CORO2A: variants seen among roughly 807,000 people sequenced by gnomAD.
CORO2A encodes coronin 2A, also known as coronin-2A.
Under a neutral mutation model 62.4 loss-of-function variants are expected in CORO2A, and 47 were observed. That is an observed-to-expected ratio of 0.75 (90% CI 0.60 to 0.96). The LOEUF is 0.96. Ranked by LOEUF, CORO2A falls within the 40% of genes least tolerant of loss-of-function variation. The pLI, the probability that CORO2A is intolerant of heterozygous loss-of-function variation, is 0.00. For missense variants in CORO2A, 610 were observed against 684.1 expected (o/e 0.89, Z 1.21); for synonymous variants, 273 against 268.9 (o/e 1.02, Z -0.15).
At chr9:98,170,295 G>C (rs1204939525) in intron 1 of CORO2A, among the ~76,000 whole-genome samples, 4 of 152,106 alleles carry the variant, frequency 2.6e-5, no homozygotes, top group African/African-American at 4.8e-5. Context: ...GGGTACCCAG[G>C]GGGAGGCCAA....
intron 1 of CORO2A, among the ~76,000 whole-genome samples, chr9:98,159,811 C>A (rs537279911): frequency 6.9e-4 from 105 of 152,174 alleles, no homozygotes; most frequent in African/African-American, 2.5e-3. Flanking sequence ...TCAGAGAAGG[C>A]TCTGCTCCAG....
intron 2 of CORO2A, among the ~76,000 whole-genome samples, chr9:98,140,557 C>G (rs1256372527): frequency 6.6e-6 from 1 of 152,026 alleles, no homozygotes; most frequent in Non-Finnish European, 1.5e-5. Context: ...TCCCACCTCA[C>G]CCTCCCAAGT....
chr9:98,127,371 G>A (rs1159225076), intron 10 of CORO2A, among the ~76,000 whole-genome samples: 1 of 152,198 alleles, frequency 6.6e-6, no homozygotes, highest in East Asian at 1.9e-4. Context: ...AGTTTGTGGG[G>A]GTGGAAGGGA....
intron 1 of CORO2A, among the ~76,000 whole-genome samples, chr9:98,187,080 C>G (rs891679726): frequency 6.6e-6 from 1 of 151,950 alleles, no homozygotes; most frequent in East Asian, 1.9e-4. Context: ...GAGATTGAGG[C>G]CATCCTGGCT....
intron 11 of CORO2A, 44 bp downstream of exon 11, chr9:98,126,505 C>T: frequency 1.3e-6 from 2 of 1,588,072 alleles, no homozygotes; most frequent in Non-Finnish European, 1.7e-6. Flanking sequence ...TCCCCTCCAC[C>T]CCAGCTGCCC....
intron 1 of CORO2A, among the ~76,000 whole-genome samples, chr9:98,177,688 C>T (rs553609527): frequency 1.3e-5 from 2 of 150,780 alleles, no homozygotes; most frequent in African/African-American, 2.4e-5. Flanking sequence ...TGGCTGGTCT[C>T]GAACTCCTGA....
At position 98,157,783 on chromosome 9, in the gene CORO2A, C is replaced by T. The variant is rs569159250; in HGVS notation, c.1-123G>A. 365 of 809,932 alleles carry T rather than the reference C, an allele frequency of 4.5e-4. 2 individuals carry two copies. The highest frequency in any genetic ancestry group is 9.3e-4 in the African/African-American group (54 of 57,776). The allele number at this position is 809,932 out of a possible 1,614,324, so 50.2% of individuals were successfully genotyped here. On this transcript the variant is annotated intron_variant, in intron 1 of 11. Transcript: ENST00000375077. ...AGGACAGTGGTCAGTTCAACGTGGA[C>T]GGTGATGCACTGTGAAGGGCAAACA...
In CORO2A at chr9:98,133,139, T is replaced by A. The variant is rs1400666780; in HGVS notation, c.547A>T (p.Ile183Phe). ...MSTISCHQDV[I>F]LSMSFNTNGS... ...TTGGTGTTGAAGGACATGGAGAGGA[T>A]CACATCTTGGTGACAGCTAATCGTA... Residue 183 changes from isoleucine (I) to phenylalanine (F), a missense_variant, in exon 5 of 12, where the codon ATC becomes TTC. By Grantham distance (21) the Ile-to-Phe change is conservative. Coordinates refer to ENST00000375077, the MANE Select transcript of CORO2A (RefSeq NM_052820.4). 1 of 1,614,102 alleles carries A rather than the reference T, an allele frequency of 6.2e-7. No homozygotes were observed. The highest frequency in any genetic ancestry group is 1.3e-5 in the African/African-American group (1 of 74,938).
chr9:98,174,935 A>G (rs888370837), intron 1 of CORO2A, among the ~76,000 whole-genome samples: 3 of 152,140 alleles, frequency 2.0e-5, no homozygotes, highest in Admixed American at 6.5e-5. Context: ...AATGGTTAAA[A>G]TCGTAAACTT....
intron 1 of CORO2A, among the ~76,000 whole-genome samples, chr9:98,176,066 C>T (rs552547910): frequency 1.3e-5 from 2 of 152,256 alleles, no homozygotes; most frequent in East Asian, 3.9e-4. Flanking sequence ...ACTAGAAGCA[C>T]AAAGTGTTCA....
At chr9:98,137,361 A>G (rs114326893) in intron 3 of CORO2A, among the ~76,000 whole-genome samples, 6 of 152,150 alleles carry the variant, frequency 3.9e-5, no homozygotes, top group South Asian at 2.1e-4. Flanking sequence ...ATGGGGGGGA[A>G]CTAAGGCCCA....
rs535276620 is a variant in CORO2A, at chr9:98,158,413, C to T, written c.1-753G>A. 4.6e-5 allele frequency among the ~76,000 whole-genome samples: 7 copies of T among 152,294 alleles called. No homozygotes were observed. The South Asian group carries it at 1.5e-3, about 32-fold the overall frequency. On this transcript the variant is annotated intron_variant, in intron 1 of 11. Coordinates refer to ENST00000375077, the MANE Select transcript of CORO2A (RefSeq NM_052820.4). The stretch of plus-strand genomic sequence containing the variant: ...CTTGATCAACAGTGGCAATCACAGC[C>T]ACTAGTATCATCTGGGCATCTTCAG...
intron 1 of CORO2A, among the ~76,000 whole-genome samples, chr9:98,183,512 A>G (rs2118937468): frequency 6.6e-6 from 1 of 152,276 alleles, no homozygotes; most frequent in Non-Finnish European, 1.5e-5. Context: ...GTATTTTATT[A>G]TCTAAATATC....
intron 1 of CORO2A, among the ~76,000 whole-genome samples, chr9:98,189,710 T>C (rs1026438911): frequency 3.9e-5 from 6 of 152,066 alleles, no homozygotes; most frequent in Admixed American, 1.3e-4. Flanking sequence ...ATCTGGAATC[T>C]ATGTCTGCTG....
chr9:98,126,183 A>G (rs1827315546), intron 11 of CORO2A, among the ~76,000 whole-genome samples: 1 of 151,312 alleles, frequency 6.6e-6, no homozygotes, highest in South Asian at 2.1e-4. Context: ...CTACAGGTGT[A>G]CGCCACCACA....
chr9:98,190,160 C>G (rs1564223445), intron 1 of CORO2A, among the ~76,000 whole-genome samples: 1 of 152,212 alleles, frequency 6.6e-6, no homozygotes. Flanking sequence ...GCTAGGATTA[C>G]AGGCATGAGC....
intron 1 of CORO2A, among the ~76,000 whole-genome samples, chr9:98,159,175 C>T (rs1171792182): frequency 1.3e-5 from 2 of 152,136 alleles, no homozygotes; most frequent in Admixed American, 1.3e-4. Context: ...CCTCCTGCCT[C>T]AGCCTTCCAA....
intron 1 of CORO2A, among the ~76,000 whole-genome samples, chr9:98,172,278 T>C (rs1388701447): frequency 1.6e-5 from 2 of 125,652 alleles, no homozygotes; most frequent in Non-Finnish European, 3.3e-5. Flanking sequence ...ACCCCACTTC[T>C]GAGCTCGACC....
chr9:98,182,151 C>G (rs755541246), intron 1 of CORO2A, among the ~76,000 whole-genome samples: 1 of 152,172 alleles, frequency 6.6e-6, no homozygotes, highest in Admixed American at 6.5e-5. Flanking sequence ...CCCTCAAAGG[C>G]GGGCCTGTGT....
Sources: allele counts gnomAD v4.1 joint callset (sites outside exome capture counted in the v4.1 genomes callset), GRCh38; gene constraint gnomAD v4.1.1; transcripts MANE v1.5; gene names NCBI Gene and HGNC (gene_info 2026-07-23, HGNC 2026-07-21).